Variants in ZMYND8 observed in about 807,000 individuals in gnomAD.
ZMYND8 encodes the protein MYND-type zinc finger-containing chromatin reader ZMYND8.
A neutral mutation model predicts 140.8 loss-of-function variants in ZMYND8; 37 were observed. That is an observed-to-expected ratio of 0.26 (90% CI 0.20 to 0.35). ZMYND8 has a LOEUF of 0.35. ZMYND8 is among the 10% of genes least tolerant of loss of function. The probability of loss-of-function intolerance (pLI) is 1.00; values close to 1 mark genes in which losing one functional copy is unlikely to be tolerated. For synonymous variants in ZMYND8, 592 were observed against 597.1 expected (o/e 0.99, Z 0.12); for missense variants, 1,068 against 1,570.0 (o/e 0.68, Z 5.40).
At chr20:47,348,176 T>G (rs987620309) in intron 1 of ZMYND8, 1 of 505,586 alleles carries the variant, frequency 2.0e-6, no homozygotes, top group East Asian at 3.6e-5. Context: ...TATTGGGGAA[T>G]GCAAAAGGCA....
intron 16 of ZMYND8, 57 bp from the exon 17 acceptor site, chr20:47,229,863 T>C: frequency 6.9e-7 from 1 of 1,456,410 alleles, no homozygotes; most frequent in Non-Finnish European, 9.5e-7. Flanking sequence ...CTTTTCCTGG[T>C]GACAAATACT....
rs2034959559 is a variant in ZMYND8 at position 47,209,268 on chromosome 20, G to C, written c.*1493C>G. ...AAGGTAAAGAAATCTGAAAAAACTG[G>C]GGGGGTGGGGGAAGGAACGGGCAAA... On this transcript the variant is annotated 3_prime_UTR_variant, in exon 23 of 23. Coordinates refer to ENST00000471951, the MANE Select transcript of ZMYND8 (RefSeq NM_001281775.3). The C allele has an allele frequency of 6.6e-6, 1 of 152,052 alleles. No homozygotes were observed. The highest frequency in any genetic ancestry group is 1.5e-5 in the Non-Finnish European group (1 of 68,018). 9.4% of individuals were successfully genotyped at this position (152,052 alleles called of 1,614,324 possible).
intron 14 of ZMYND8, among the ~76,000 whole-genome samples, chr20:47,241,165 T>C (rs945700083): frequency 9.9e-5 from 15 of 151,492 alleles, no homozygotes; most frequent in African/African-American, 3.6e-4. Flanking sequence ...CATGGTGGTG[T>C]GTGCCTATAA....
chr20:47,252,056 G>A (rs775456055), intron 12 of ZMYND8, among the ~76,000 whole-genome samples: 7 of 152,016 alleles, frequency 4.6e-5, no homozygotes, highest in Non-Finnish European at 7.4e-5. Context: ...CACTGTGGAA[G>A]GCCAAGGCGG....
chr20:47,224,863 C>T (rs1210576647), intron 18 of ZMYND8, among the ~76,000 whole-genome samples: 1 of 152,190 alleles, frequency 6.6e-6, no homozygotes, highest in Non-Finnish European at 1.5e-5. Context: ...CTTGAAACAA[C>T]TGCCACCAAA....
chr20:47,298,206 T>C lies in ZMYND8; in HGVS notation c.453+523A>G. 12 of 922,494 alleles carry C rather than the reference T, an allele frequency of 1.3e-5. No homozygotes were observed. The highest frequency in any genetic ancestry group is 1.6e-5 in the Non-Finnish European group (12 of 772,838). 57.1% of individuals were successfully genotyped at this position (922,494 alleles called of 1,614,324 possible). On this transcript the variant is annotated intron_variant, in intron 4 of 22. Transcript: ENST00000471951. The surrounding 1 kb of genome is among the most constrained non-coding windows in gnomAD (Gnocchi z 5.0). ...TGGAAAAAAAAAAATGATCCATGCC[T>C]GTTTTTGTGCACTGTCGAATTCCCA... is the stretch of plus-strand genomic sequence containing the variant.
At chr20:47,254,326 T>A (rs1230929737) in intron 12 of ZMYND8, among the ~76,000 whole-genome samples, 1 of 152,228 alleles carries the variant, frequency 6.6e-6, no homozygotes, top group Admixed American at 6.5e-5. Flanking sequence ...CCTCTCAAAA[T>A]GTCGCCGCAT....
chr20:47,283,672 A>T (rs762623461), intron 8 of ZMYND8, 24 bp from the exon 9 acceptor site: 13 of 1,609,538 alleles, frequency 8.1e-6, no homozygotes, highest in African/African-American at 1.3e-5. Context: ...ATACATTAGA[A>T]TGTGTCACCC....
chr20:47,300,910 G>A (rs61430004), intron 3 of ZMYND8, among the ~76,000 whole-genome samples: 2 of 143,012 alleles, frequency 1.4e-5, no homozygotes, highest in African/African-American at 5.2e-5. Flanking sequence ...GTGTGTGTGT[G>A]TGTGTGTGTG....
At chr20:47,304,141 A>G (rs2078296627) in intron 3 of ZMYND8, among the ~76,000 whole-genome samples, 1 of 152,206 alleles carries the variant, frequency 6.6e-6, no homozygotes, top group Non-Finnish European at 1.5e-5. Flanking sequence ...AACTAGGGAA[A>G]CAGGTTGCAA....
chr20:47,262,216 A>C, intron 12 of ZMYND8, 72 bp downstream of exon 12: 1 of 1,604,650 alleles, frequency 6.2e-7, no homozygotes, highest in South Asian at 1.1e-5. Context: ...AACCACATAC[A>C]CAAGAGGATA....
intron 12 of ZMYND8, among the ~76,000 whole-genome samples, chr20:47,259,777 G>A (rs981744196): frequency 1.3e-5 from 2 of 152,244 alleles, no homozygotes; most frequent in Non-Finnish European, 2.9e-5. Flanking sequence ...GAGTGAGGCT[G>A]TCCTATGCAC....
At chr20:47,322,936 C>A (rs1049153690) in intron 2 of ZMYND8, among the ~76,000 whole-genome samples, 1 of 152,264 alleles carries the variant, frequency 6.6e-6, no homozygotes, top group East Asian at 1.9e-4. Context: ...GTCAACACAG[C>A]ATTGTCGTTC....
At chr20:47,276,951 A>G (rs1186042757) in intron 10 of ZMYND8, among the ~76,000 whole-genome samples, 156 bp from the exon 11 acceptor site, 1 of 151,816 alleles carries the variant, frequency 6.6e-6, no homozygotes, top group Non-Finnish European at 1.5e-5. Flanking sequence ...GGATTAATTA[A>G]TGATCCATTT....
chr20:47,349,919 T>C (rs1235063151), intron 1 of ZMYND8: 2 of 1,535,374 alleles, frequency 1.3e-6, no homozygotes, highest in East Asian at 4.9e-5. Flanking sequence ...GGAGGAAGGC[T>C]GCATTCAAGG....
chr20:47,308,584 G>A (rs1684351876), intron 3 of ZMYND8, among the ~76,000 whole-genome samples: 1 of 152,142 alleles, frequency 6.6e-6, no homozygotes, highest in Admixed American at 6.6e-5. Flanking sequence ...ATTCTACTTA[G>A]CAGAGAAACT....
rs930608264 is a variant in ZMYND8, at chr20:47,339,252, A to G, written c.85+8604T>C. 3.4e-4 allele frequency among the ~76,000 whole-genome samples: 52 copies of G among 151,388 alleles called. 1 individual carries two copies. The highest frequency in any genetic ancestry group is 6.6e-5 in the Admixed American group (1 of 15,198). ...CTCCCAAAGTGCTGGGATTACAGGC[A>G]TGAGCCACAGTGCCCGGCCCACAAT... On this transcript the variant is annotated intron_variant, in intron 2 of 22. Coordinates refer to ENST00000471951, the MANE Select transcript of ZMYND8 (RefSeq NM_001281775.3).
chr20:47,210,646 G>T lies in ZMYND8; in HGVS notation c.*115C>A. The stretch of plus-strand genomic sequence containing the variant: ...GCCGGGGGCTCAGGCTCAACTGAGG[G>T]TTTTGTCATTTTCAAGTCTGAAAGT... On this transcript the variant is annotated 3_prime_UTR_variant, in exon 23 of 23. Coordinates refer to ENST00000471951, the MANE Select transcript of ZMYND8 (RefSeq NM_001281775.3). The T allele has an allele frequency of 2.5e-6, 4 of 1,580,006 alleles. No homozygotes were observed. The highest frequency in any genetic ancestry group is 3.5e-6 in the Non-Finnish European group (4 of 1,151,574).
intron 2 of ZMYND8, among the ~76,000 whole-genome samples, chr20:47,312,076 A>T (rs1183934866): frequency 6.6e-6 from 1 of 151,640 alleles, no homozygotes; most frequent in Non-Finnish European, 1.5e-5. Context: ...CCAAGACCAT[A>T]GGGGGGATGG....
Sources: allele counts gnomAD v4.1 joint callset (sites outside exome capture counted in the v4.1 genomes callset), GRCh38; gene constraint gnomAD v4.1.1; non-coding constraint Gnocchi (gnomAD v3.1); transcripts MANE v1.5; gene names NCBI Gene and HGNC (gene_info 2026-07-23, HGNC 2026-07-21).